Variants in PBX3 observed in about 807,000 individuals in gnomAD.
PBX3 encodes pre-B-cell leukemia transcription factor 3.
In PBX3, 14 loss-of-function variants were observed where a neutral mutation model predicts 48.5. That is an observed-to-expected ratio of 0.29 (90% CI 0.19 to 0.45). PBX3 has a LOEUF of 0.45. Among genes scored for constraint, PBX3 ranks in the 20% least tolerant of loss-of-function variants. The pLI is 1.00. For missense variants in PBX3, 386 were observed against 546.7 expected (o/e 0.71, Z 2.93); for synonymous variants, 210 against 200.3 (o/e 1.05, Z -0.41).
chr9:125,911,798 C>T (rs965553032), intron 2 of PBX3, among the ~76,000 whole-genome samples: 10 of 152,066 alleles, frequency 6.6e-5, no homozygotes, highest in African/African-American at 2.4e-4. Context: ...TCCATAATAG[C>T]TTTTTGTTTC....
chr9:125,944,491 A>G (rs1236254316), intron 5 of PBX3, among the ~76,000 whole-genome samples: 3 of 152,172 alleles, frequency 2.0e-5, no homozygotes, highest in Non-Finnish European at 4.4e-5. Flanking sequence ...TGTTGGGGGA[A>G]ACAGACAGAT....
intron 2 of PBX3, among the ~76,000 whole-genome samples, chr9:125,753,271 A>G (rs1003039973): frequency 1.4e-5 from 2 of 141,100 alleles, no homozygotes; most frequent in Non-Finnish European, 3.1e-5. Context: ...ATTTTTCTTA[A>G]CTTAATATTT....
At chr9:125,900,005 T>C (rs185717243) in intron 2 of PBX3, among the ~76,000 whole-genome samples, 238 of 151,834 alleles carry the variant, frequency 1.6e-3, no homozygotes, top group Non-Finnish European at 2.6e-3. Flanking sequence ...TAGATTGGGC[T>C]TTTGCTTAAT....
At chr9:125,811,957 T>A (rs1838302801) in intron 2 of PBX3, among the ~76,000 whole-genome samples, 1 of 152,188 alleles carries the variant, frequency 6.6e-6, no homozygotes, top group Admixed American at 6.5e-5. Flanking sequence ...GGTGATTAGG[T>A]TATGAGGGCT....
At chr9:125,839,693 GT>G (rs952452079) in intron 2 of PBX3, among the ~76,000 whole-genome samples, 14 of 152,282 alleles carry the variant, frequency 9.2e-5, no homozygotes, top group Non-Finnish European at 1.2e-4. Context: ...GATATGTATA[GT>G]TTTGGATTAC....
At chr9:125,792,049 C>T (rs916142320) in intron 2 of PBX3, among the ~76,000 whole-genome samples, 4 of 112,896 alleles carry the variant, frequency 3.5e-5, no homozygotes, top group African/African-American at 1.2e-4. Context: ...CACACACGCA[C>T]GCACGCACGC....
rs1340738906 is a variant in PBX3 at position 125,747,439 on chromosome 9, C to T, written c.-15C>T. ...TCGCCTCAGCCGCCGCCCGCTCCCG[C>T]CCGCGCGCGGCGGGATGGACGATCA... On this transcript the variant is annotated 5_prime_UTR_variant, in exon 1 of 9. Transcript: ENST00000373489. 2 of 1,467,640 alleles carry T rather than the reference C, an allele frequency of 1.4e-6. No individual in the cohort carries two copies. The highest frequency in any genetic ancestry group is 1.5e-5 in the African/African-American group (1 of 67,452). 90.9% of individuals were successfully genotyped at this position (1,467,640 alleles called of 1,614,324 possible).
chr9:125,803,191 C>A (rs1055094626), intron 2 of PBX3, among the ~76,000 whole-genome samples: 3 of 150,432 alleles, frequency 2.0e-5, no homozygotes, highest in Non-Finnish European at 4.4e-5. Context: ...TCAGGTGATC[C>A]TCCCTCCCAC....
chr9:125,963,180 A>G, intron 8 of PBX3, 79 bp downstream of exon 8: 1 of 716,014 alleles, frequency 1.4e-6, no homozygotes, highest in Non-Finnish European at 2.3e-6. Context: ...TAGCCATTTG[A>G]CCTGGCTTCT....
chr9:125,850,243 C>T (rs77892147), intron 2 of PBX3, among the ~76,000 whole-genome samples: 3,591 of 151,996 alleles, frequency 0.024, 136 homozygotes, highest in African/African-American at 0.083. Context: ...TCTATTTCCA[C>T]GAGAGTCTGC....
intron 5 of PBX3, among the ~76,000 whole-genome samples, chr9:125,949,966 T>C (rs1842157344): frequency 6.6e-6 from 1 of 152,158 alleles, no homozygotes; most frequent in Non-Finnish European, 1.5e-5. Context: ...AGTTGTGATG[T>C]CAGTGTTTCA....
At chr9:125,832,812 A>G (rs1370345014) in intron 2 of PBX3, among the ~76,000 whole-genome samples, 1 of 152,082 alleles carries the variant, frequency 6.6e-6, no homozygotes, top group Non-Finnish European at 1.5e-5. Context: ...CCACTGCTTC[A>G]TATAGCTGCT....
At chr9:125,950,708 C>T (rs1842177781) in intron 5 of PBX3, among the ~76,000 whole-genome samples, 1 of 152,252 alleles carries the variant, frequency 6.6e-6, no homozygotes, top group Admixed American at 6.5e-5. Flanking sequence ...TCTCAAACTC[C>T]TGACCTCAGG....
intron 2 of PBX3, among the ~76,000 whole-genome samples, chr9:125,807,192 C>T (rs1564665547): frequency 6.6e-6 from 1 of 152,088 alleles, no homozygotes; most frequent in Non-Finnish European, 1.5e-5. Flanking sequence ...GGTGTGGTGG[C>T]ATGTGCCTGT....
At chr9:125,809,773 C>T (rs184252864) in intron 2 of PBX3, among the ~76,000 whole-genome samples, 2 of 152,136 alleles carry the variant, frequency 1.3e-5, no homozygotes, top group East Asian at 1.9e-4. Context: ...CAAGCCATGA[C>T]TGGAAGAAGA....
intron 2 of PBX3, among the ~76,000 whole-genome samples, chr9:125,756,858 G>T (rs910498686): frequency 3.3e-5 from 5 of 152,138 alleles, no homozygotes; most frequent in Admixed American, 1.3e-4. Context: ...GAAACACTTG[G>T]TTACTTTAAA....
intron 2 of PBX3, among the ~76,000 whole-genome samples, chr9:125,897,111 C>T (rs1325704791): frequency 2.1e-5 from 3 of 145,274 alleles, no homozygotes; most frequent in Non-Finnish European, 4.5e-5. Context: ...TTGTCAAAGC[C>T]ATTTCATGTG....
chr9:125,846,767 C>T (rs919109122), intron 2 of PBX3, among the ~76,000 whole-genome samples: 11 of 152,030 alleles, frequency 7.2e-5, no homozygotes, highest in African/African-American at 2.7e-4. Flanking sequence ...ATCATTATTA[C>T]ACCAAAATAT....
At chr9:125,768,748 A>G (rs1836864384) in intron 2 of PBX3, among the ~76,000 whole-genome samples, 1 of 152,228 alleles carries the variant, frequency 6.6e-6, no homozygotes, top group African/African-American at 2.4e-5. Flanking sequence ...AAAAGGAAAG[A>G]GTATTACCAC....
Sources: gnomAD v4.1 joint callset for allele counts (sites outside exome capture counted in the v4.1 genomes callset) on GRCh38, gnomAD v4.1.1 for gene constraint, MANE v1.5 for transcripts, NCBI Gene and HGNC (gene_info 2026-07-23, HGNC 2026-07-21) for gene names.